Variants in SLC24A3 observed in about 807,000 individuals in gnomAD.
SLC24A3 encodes solute carrier family 24 member 3.
In SLC24A3, 28 loss-of-function variants were observed where a neutral mutation model predicts 75.8. The ratio of observed to expected loss-of-function variants is 0.37; its 90% confidence interval spans 0.27 to 0.51. SLC24A3 has a LOEUF of 0.51. SLC24A3 is among the 20% of genes least tolerant of loss of function. The probability of loss-of-function intolerance (pLI) is 0.94; values close to 1 mark genes in which losing one functional copy is unlikely to be tolerated. For synonymous variants in SLC24A3, 372 were observed against 334.1 expected (o/e 1.11, Z -1.24); for missense variants, 663 against 847.8 (o/e 0.78, Z 2.71).
intron 3 of SLC24A3, among the ~76,000 whole-genome samples, chr20:19,564,957 C>A (rs112202468): frequency 9.9e-5 from 15 of 152,162 alleles, no homozygotes; most frequent in African/African-American, 3.4e-4. Context: ...TACAGGCATG[C>A]GCCACCCTGC....
intron 4 of SLC24A3, 116 bp from the exon 5 acceptor site, chr20:19,584,855 C>T (rs910595614): frequency 5.8e-6 from 5 of 861,478 alleles, no homozygotes; most frequent in South Asian, 1.6e-5. Flanking sequence ...ATCGGTCCTA[C>T]TCTCGCTGAA....
At chr20:19,348,888 T>A (rs8117373) in intron 2 of SLC24A3, among the ~76,000 whole-genome samples, 17,163 of 152,080 alleles carry the variant, frequency 0.11, 2,601 homozygotes, top group African/African-American at 0.35. Flanking sequence ...GCTTCTTATA[T>A]ATCACCAGAG....
intron 2 of SLC24A3, among the ~76,000 whole-genome samples, chr20:19,423,970 C>T (rs937134496): frequency 2.6e-5 from 4 of 151,872 alleles, no homozygotes; most frequent in African/African-American, 7.3e-5. Context: ...GTCTGAGATA[C>T]GTTTAAAGGA....
At chr20:19,712,435 T>A (rs1231099481) in intron 15 of SLC24A3, among the ~76,000 whole-genome samples, 1 of 151,860 alleles carries the variant, frequency 6.6e-6, no homozygotes, top group Non-Finnish European at 1.5e-5. Context: ...ATAGGGACAA[T>A]AGTGAACTTG....
chr20:19,373,555 A>G (rs1986026988), intron 2 of SLC24A3, among the ~76,000 whole-genome samples: 1 of 152,216 alleles, frequency 6.6e-6, no homozygotes, highest in African/African-American at 2.4e-5. Context: ...CACTGAGCCC[A>G]TGGAGGATCT....
intron 6 of SLC24A3, among the ~76,000 whole-genome samples, chr20:19,603,641 T>C (rs1039584024): frequency 1.3e-5 from 2 of 152,120 alleles, no homozygotes; most frequent in African/African-American, 4.8e-5. Context: ...AAAGAAGAGG[T>C]TTCCCATAAC....
chr20:19,341,022 AGC>A (rs1985260664), intron 2 of SLC24A3, among the ~76,000 whole-genome samples: 1 of 152,184 alleles, frequency 6.6e-6, no homozygotes, highest in Non-Finnish European at 1.5e-5. Context: ...CTTGCATGTA[AGC>A]TCTTCCCTCC....
At chr20:19,656,830 A>G (rs1033007798) in intron 7 of SLC24A3, among the ~76,000 whole-genome samples, 1 of 152,186 alleles carries the variant, frequency 6.6e-6, no homozygotes, top group African/African-American at 2.4e-5. Flanking sequence ...TTCCGCATAG[A>G]CACTAACTGG....
At chr20:19,661,328 G>A (rs183099202) in intron 7 of SLC24A3, among the ~76,000 whole-genome samples, 3 of 152,258 alleles carry the variant, frequency 2.0e-5, no homozygotes, top group Admixed American at 2.0e-4. Context: ...ACATCCTGAA[G>A]TAGGAATTTC....
At chr20:19,449,559 A>T (rs1307367988) in intron 2 of SLC24A3, among the ~76,000 whole-genome samples, 1 of 152,244 alleles carries the variant, frequency 6.6e-6, no homozygotes, top group Non-Finnish European at 1.5e-5. Flanking sequence ...GCCCAGTGGG[A>T]TGTCCAGGCC....
At chr20:19,472,838 T>G (rs893558219) in intron 2 of SLC24A3, among the ~76,000 whole-genome samples, 1 of 152,198 alleles carries the variant, frequency 6.6e-6, no homozygotes, top group African/African-American at 2.4e-5. Flanking sequence ...TTCACACCCT[T>G]GGGCATGCGG....
At chr20:19,364,011 A>G (rs1392998046) in intron 2 of SLC24A3, among the ~76,000 whole-genome samples, 1 of 152,090 alleles carries the variant, frequency 6.6e-6, no homozygotes, top group Admixed American at 6.5e-5. Flanking sequence ...TTCGGTGGGA[A>G]CTGCAGATAC....
chr20:19,242,392 C>T (rs1237578123), intron 1 of SLC24A3: 1 of 152,122 alleles, frequency 6.6e-6, no homozygotes, highest in Non-Finnish European at 1.5e-5. Context: ...TGAGATGTCC[C>T]ATATAGATTG....
At chr20:19,674,448 C>T (rs917460024) in intron 9 of SLC24A3, among the ~76,000 whole-genome samples, 1 of 152,200 alleles carries the variant, frequency 6.6e-6, no homozygotes, top group African/African-American at 2.4e-5. Context: ...GATGCTGGCT[C>T]TTGACTGGCG....
rs79552242 is a variant in SLC24A3, at chr20:19,496,411, C to T, written c.272-19077C>T. On this transcript the variant is annotated intron_variant, in intron 2 of 16. Coordinates refer to ENST00000328041, the MANE Select transcript of SLC24A3 (RefSeq NM_020689.4). ...ATTAAAGGAGCATATGAAGCCATAT[C>T]CCCACATAGCTCAGGGATGTGGGGA... Among the ~76,000 whole-genome samples the T allele has an allele frequency of 1.1e-3, 169 of 152,302 alleles. 1 individual carries two copies. The highest frequency in any genetic ancestry group is 0.01 in the Middle Eastern group (3 of 294).
intron 2 of SLC24A3, among the ~76,000 whole-genome samples, chr20:19,360,821 T>C (rs1985772220): frequency 7.2e-6 from 1 of 138,716 alleles, no homozygotes; most frequent in Non-Finnish European, 1.5e-5. Context: ...AGTACTAGCA[T>C]GCAGAAATTT....
rs112623489 is a variant in SLC24A3, at chr20:19,309,581, C to T, written c.271+28494C>T. On this transcript the variant is annotated intron_variant, in intron 2 of 16. Transcript: ENST00000328041. Reference sequence around the variant, plus strand: ...CCTATGCACACTGAATTTTGGAAAACGCTGGCCTAGAGCTTCTATTTTTTC... The same window carrying T: ...CCTATGCACACTGAATTTTGGAAAATGCTGGCCTAGAGCTTCTATTTTTTC... 2.5e-3 allele frequency among the ~76,000 whole-genome samples: 385 copies of T among 152,274 alleles called. 3 individuals are homozygous for T. The highest frequency in any genetic ancestry group is 8.9e-3 in the African/African-American group (368 of 41,542).
chr20:19,482,466 A>T (rs959712862), intron 2 of SLC24A3, among the ~76,000 whole-genome samples: 2 of 151,818 alleles, frequency 1.3e-5, no homozygotes, highest in Non-Finnish European at 2.9e-5. Context: ...CAGGTCTTAG[A>T]CTCTCTGGGG....
chr20:19,241,285 C>T (rs1042849756), intron 1 of SLC24A3, among the ~76,000 whole-genome samples: 3 of 152,198 alleles, frequency 2.0e-5, no homozygotes, highest in African/African-American at 7.2e-5. Context: ...CATTTCTGCT[C>T]AGCCATGTGT....
Sources: allele counts gnomAD v4.1 joint callset (sites outside exome capture counted in the v4.1 genomes callset), GRCh38; gene constraint gnomAD v4.1.1; transcripts MANE v1.5; gene names NCBI Gene and HGNC (gene_info 2026-07-23, HGNC 2026-07-21).